Variants in SYCP1 observed in about 807,000 individuals in gnomAD.
SYCP1 encodes synaptonemal complex protein 1.
A neutral mutation model predicts 153.1 loss-of-function variants in SYCP1; 64 were observed. The observed-to-expected ratio is 0.42, with a 90% CI of 0.34 to 0.51. SYCP1 has a LOEUF of 0.51. Among genes scored for constraint, SYCP1 ranks in the 20% least tolerant of loss-of-function variants. The probability of loss-of-function intolerance (pLI) is 0.06; values close to 1 mark genes in which losing one functional copy is unlikely to be tolerated. For missense variants in SYCP1, 997 were observed against 1,049.0 expected (o/e 0.95, Z 0.68); for synonymous variants, 384 against 341.8 (o/e 1.12, Z -1.36).
At chr1:114,866,150 G>A (rs1283402654) in intron 8 of SYCP1, among the ~76,000 whole-genome samples, 2 of 152,122 alleles carry the variant, frequency 1.3e-5, no homozygotes, top group Admixed American at 1.3e-4. Context: ...AAATATCCAT[G>A]TGCAGGCTTT....
chr1:114,879,246 A>G (rs943752746), intron 12 of SYCP1, among the ~76,000 whole-genome samples: 1 of 152,190 alleles, frequency 6.6e-6, no homozygotes, highest in African/African-American at 2.4e-5. Flanking sequence ...CTTCCAGAAC[A>G]TTATAGGGAT....
chr1:114,888,692 C>T (rs115582512), intron 15 of SYCP1, among the ~76,000 whole-genome samples: 1 of 151,702 alleles, frequency 6.6e-6, no homozygotes, highest in Non-Finnish European at 1.5e-5. Context: ...ATTATATATA[C>T]CTATACTTAC....
intron 27 of SYCP1, among the ~76,000 whole-genome samples, chr1:114,969,649 C>T (rs377725087): frequency 5.9e-5 from 9 of 152,096 alleles, no homozygotes; most frequent in Non-Finnish European, 1.3e-4. Context: ...TCCAGGGGAG[C>T]GAACAGTTCT....
At chr1:114,972,930 T>A (rs779321614) in intron 27 of SYCP1, among the ~76,000 whole-genome samples, 2 of 152,166 alleles carry the variant, frequency 1.3e-5, no homozygotes, top group Non-Finnish European at 2.9e-5. Context: ...TAGTGCAGAT[T>A]AAGTCCAGTG....
intron 23 of SYCP1, among the ~76,000 whole-genome samples, chr1:114,927,008 G>A (rs1339752542): frequency 6.6e-6 from 1 of 151,926 alleles, no homozygotes; most frequent in Admixed American, 6.6e-5. Flanking sequence ...TGATATTAGA[G>A]CCATATTTTG....
intron 14 of SYCP1, among the ~76,000 whole-genome samples, chr1:114,886,689 T>TA (rs1557772189): frequency 6.6e-6 from 1 of 152,232 alleles, no homozygotes; most frequent in South Asian, 2.1e-4. Flanking sequence ...TAGACCTTTC[T>TA]GATTTATAAA....
At chr1:114,879,613 T>C (rs943933672) in intron 12 of SYCP1, among the ~76,000 whole-genome samples, 3 of 152,198 alleles carry the variant, frequency 2.0e-5, no homozygotes, top group Admixed American at 6.5e-5. Flanking sequence ...GCCCAGTATA[T>C]GGTTTTGCAC....
intron 27 of SYCP1, among the ~76,000 whole-genome samples, chr1:114,970,227 G>A (rs1672391723): frequency 6.6e-6 from 1 of 151,776 alleles, no homozygotes; most frequent in African/African-American, 2.4e-5. Context: ...AGTGTATTTT[G>A]CATTTCTGTA....
intron 16 of SYCP1, among the ~76,000 whole-genome samples, chr1:114,898,227 G>A (rs1337992465): frequency 6.6e-6 from 1 of 152,194 alleles, no homozygotes; most frequent in East Asian, 1.9e-4. Context: ...TAAGCTGAAT[G>A]CTAAGGTAAC....
rs150568518 is a variant in SYCP1, at chr1:114,858,823, A to G, written c.456+112A>G. Reference sequence around the variant, plus strand: ...GATTGATCTTGTTTTTGTGATGAATATTTTAAGGATAATGCTTTTTAAAAG... The same window carrying G: ...GATTGATCTTGTTTTTGTGATGAATGTTTTAAGGATAATGCTTTTTAAAAG... On this transcript the variant is annotated intron_variant, in intron 6 of 31. Coordinates refer to ENST00000369522, the MANE Select transcript of SYCP1 (RefSeq NM_003176.4). The G allele has an allele frequency of 1.5e-3, 1,431 of 941,332 alleles. 14 individuals are homozygous for G. The African/African-American group carries it at 0.02, about 13-fold the overall frequency. The allele number at this position is 941,332 out of a possible 1,614,324, so 58.3% of individuals were successfully genotyped here. A position where few individuals can be genotyped will look rare whatever the true frequency, so the allele number is the denominator to read the frequency against.
chr1:114,981,905 G>C (rs908064094), intron 29 of SYCP1, among the ~76,000 whole-genome samples: 1 of 151,972 alleles, frequency 6.6e-6, no homozygotes, highest in African/African-American at 2.4e-5. Context: ...ATTCTGACTT[G>C]ACATTTTATA....
At chr1:114,964,649 T>C (rs182096679) in intron 27 of SYCP1, among the ~76,000 whole-genome samples, 106 of 152,348 alleles carry the variant, frequency 7.0e-4, no homozygotes, top group Admixed American at 2.4e-3. Context: ...TCCCCATTTC[T>C]TGTTTTTGTC....
At chr1:114,876,548 A>G (rs1665550598) in intron 10 of SYCP1, among the ~76,000 whole-genome samples, 189 bp from the exon 11 acceptor site, 1 of 151,562 alleles carries the variant, frequency 6.6e-6, no homozygotes, top group South Asian at 2.1e-4. Flanking sequence ...TATAACTGAT[A>G]TTATTTATAT....
At chr1:114,948,024 C>T (rs901739790) in intron 27 of SYCP1, among the ~76,000 whole-genome samples, 1 of 151,250 alleles carries the variant, frequency 6.6e-6, no homozygotes, top group Admixed American at 6.6e-5. Flanking sequence ...CGTCGTTTAA[C>T]GTTAGGTATA....
At chr1:114,983,330 T>C (rs185056079) in intron 29 of SYCP1, among the ~76,000 whole-genome samples, 141 of 152,176 alleles carry the variant, frequency 9.3e-4, no homozygotes, top group Admixed American at 1.5e-3. Context: ...GTCTTTTGTT[T>C]GTCCCAACTA....
chr1:114,981,504 T>C lies in SYCP1; in HGVS notation c.2551T>C (p.Leu851=). The C allele has an allele frequency of 6.3e-7, 1 of 1,583,742 alleles. No homozygotes were observed. The highest frequency in any genetic ancestry group is 8.5e-7 in the Non-Finnish European group (1 of 1,171,706). The change falls in exon 29 of 32, where the codon TTG becomes CTG. Residue 851 remains leucine, a synonymous_variant. Transcript: ENST00000369522. ...TGCCAAAAATACTTTATCTACACCA[T>C]TGCCAAAGGTTTGTGTCTAAATTTT... The part of the protein sequence containing the change: ...TSAKNTLSTP[L]PKAYTVKTPT...
At position 114,913,053 on chromosome 1, in the gene SYCP1, C is replaced by T; in HGVS notation, c.1550C>T (p.Thr517Ile). ...AATAGGCTTAAGAATACTGAATTAACTTCACACTGCAACAAGCTTTCACTA... is the reference window on the plus strand; with the variant it reads ...AATAGGCTTAAGAATACTGAATTAATTTCACACTGCAACAAGCTTTCACTA... ...ENEKLKNTEL[T>I]SHCNKLSLEN... Residue 517 changes from threonine to isoleucine, a missense_variant, in exon 19 of 32, where the codon ACT becomes ATT. Thr to Ile is a moderately conservative substitution (Grantham distance 89). Coordinates refer to ENST00000369522, the MANE Select transcript of SYCP1 (RefSeq NM_003176.4). 3.7e-6 allele frequency: 6 copies of T among 1,610,254 alleles called. No individual in the cohort carries two copies. The highest frequency in any genetic ancestry group is 5.1e-6 in the Non-Finnish European group (6 of 1,178,016).
intron 30 of SYCP1, among the ~76,000 whole-genome samples, chr1:114,989,807 C>CA (rs1673795678): frequency 6.6e-6 from 1 of 151,858 alleles, no homozygotes; most frequent in African/African-American, 2.4e-5. Context: ...GAAGATATGA[C>CA]AATTTTAAAC....
At chr1:114,860,712 GGC>G in intron 7 of SYCP1, 22 bp from the exon 8 acceptor site, 1 of 1,555,012 alleles carries the variant, frequency 6.4e-7, no homozygotes, top group African/African-American at 1.4e-5. Context: ...ATTACACACA[GGC>G]AAACTCTTTC....
Sources: allele counts gnomAD v4.1 joint callset (sites outside exome capture counted in the v4.1 genomes callset), GRCh38; gene constraint gnomAD v4.1.1; transcripts MANE v1.5; gene names NCBI Gene and HGNC (gene_info 2026-07-23, HGNC 2026-07-21).